The following COL9A3 variants were observed in gnomAD, a reference collection of about 807,000 sequenced individuals.
COL9A3 encodes the protein collagen alpha-3(IX) chain.
COL9A3 carries 82 observed loss-of-function variants against 110.2 expected under a neutral mutation model. The observed-to-expected ratio is 0.74, with a 90% CI of 0.62 to 0.89. The LOEUF is 0.89. Among genes scored for constraint, COL9A3 ranks in the 40% least tolerant of loss-of-function variants. The pLI is 0.00. For synonymous variants in COL9A3, 494 were observed against 403.8 expected, an observed-to-expected ratio of 1.22 and a Z score of -2.68; for missense variants, 1,066 against 981.3, an observed-to-expected ratio of 1.09 and a Z score of -1.15.
chr20:62,828,496 A>G (rs1687289387), intron 17 of COL9A3, among the ~76,000 whole-genome samples: 1 of 152,222 alleles, frequency 6.6e-6, no homozygotes, highest in South Asian at 2.1e-4. Flanking sequence ...TCCTTAGGGC[A>G]CCATGATGTG....
rs925855683 is a variant in COL9A3 at position 62,828,070 on chromosome 20, C to T, written c.900+94C>T. 2.1e-5 allele frequency: 27 copies of T among 1,304,014 alleles called. No homozygotes were observed. The African/African-American group carries it at 3.5e-4, about 17-fold the overall frequency. 80.8% of individuals were successfully genotyped at this position (1,304,014 alleles called of 1,614,324 possible). A position where few individuals can be genotyped will look rare whatever the true frequency, so the allele number is the denominator to read the frequency against. On this transcript the variant is annotated intron_variant, in intron 17 of 31. Transcript: ENST00000649368. ...ATTCAGAAGGGCTGGAGCTCAGTGC[C>T]CTCTGCTGTGGCCATCTTGAAATCT...
chr20:62,840,740 C>T lies in COL9A3; in HGVS notation c.*8C>T, dbSNP rs201654774. 121 of 1,558,800 alleles carry T rather than the reference C, an allele frequency of 7.8e-5. No homozygotes were observed. Among genetic ancestry groups the T allele is most frequent in the Non-Finnish European group, 9.3e-5 (107 of 1,150,622 alleles). ...GGCTCTCGAAGCTCATAAAATTCAACGTGAGGAAGCAAGTGACAAGGACGC... is the reference window on the plus strand; with the variant it reads ...GGCTCTCGAAGCTCATAAAATTCAATGTGAGGAAGCAAGTGACAAGGACGC... On this transcript the variant is annotated 3_prime_UTR_variant, in exon 32 of 32. Transcript: ENST00000649368.
chr20:62,821,701 G>T, intron 7 of COL9A3, 56 bp from the exon 8 acceptor site: 1 of 1,561,858 alleles, frequency 6.4e-7, no homozygotes, highest in East Asian at 2.3e-5. Context: ...ACCCTGGGTG[G>T]GGATCCTCGG....
chr20:62,820,172 C>A (rs1991073372), intron 5 of COL9A3, among the ~76,000 whole-genome samples, 190 bp downstream of exon 5: 1 of 152,174 alleles, frequency 6.6e-6, no homozygotes, highest in African/African-American at 2.4e-5. Context: ...CTCCCTGCCT[C>A]ACCTCCACGT....
At position 62,838,632 on chromosome 20, in the gene COL9A3, G is replaced by A. The variant is rs1459755982; in HGVS notation, c.1787-52G>A. 4.1e-6 allele frequency: 6 copies of A among 1,479,120 alleles called. No individual in the cohort carries two copies. In the East Asian group the frequency reaches 1.2e-4, roughly 30 times the overall value. The allele number at this position is 1,479,120 out of a possible 1,614,324, so 91.6% of individuals were successfully genotyped here. ...AAGGTTGATCAGACACCGCTGTGGT[G>A]TGGCTGCAACAGATACTCTAACCAT... is the stretch of plus-strand genomic sequence containing the variant. On this transcript the variant is annotated intron_variant, in intron 30 of 31. Coordinates refer to ENST00000649368, the MANE Select transcript of COL9A3 (RefSeq NM_001853.4).
At chr20:62,832,886 TGG>T in intron 25 of COL9A3, 132 bp from the exon 26 acceptor site, 1 of 854,076 alleles carries the variant, frequency 1.2e-6, no homozygotes, top group Non-Finnish European at 2.0e-6. Context: ...AAGGCAGCCC[TGG>T]GGCCTGGGCT....
rs201781331 is a variant in COL9A3 at position 62,822,100 on chromosome 20, C to G, written c.424-11C>G. 3.9e-6 allele frequency: 6 copies of G among 1,521,434 alleles called. No homozygotes were observed. Among genetic ancestry groups the G allele is most frequent in the Admixed American group, 1.7e-5 (1 of 59,860 alleles). 94.2% of individuals were successfully genotyped at this position (1,521,434 alleles called of 1,614,324 possible). A position where few individuals can be genotyped will look rare whatever the true frequency, so the allele number is the denominator to read the frequency against. ...TGGTCCCACTCTGTCTAAGTCATAC[C>G]CCCTCCCCAGGGACCTTCTGGACTC... On this transcript the variant is annotated splice_polypyrimidine_tract_variant and intron_variant, in intron 8 of 31. Coordinates refer to ENST00000649368, the MANE Select transcript of COL9A3 (RefSeq NM_001853.4).
At chr20:62,836,745 C>T in intron 29 of COL9A3, 1 of 633,946 alleles carries the variant, frequency 1.6e-6, no homozygotes, top group Non-Finnish European at 2.7e-6. Context: ...GCCCCGGATT[C>T]AACCAGATTC....
At chr20:62,833,138 G>T in intron 26 of COL9A3, 74 bp downstream of exon 26, 1 of 1,254,548 alleles carries the variant, frequency 8.0e-7, no homozygotes, top group South Asian at 1.2e-5. Context: ...GAACAGTCCT[G>T]GGGACAGGGT....
Position 62,828,920 on chromosome 20 carries a change from C to T in COL9A3, c.955-3C>T. 1 of 1,612,400 alleles carries T rather than the reference C, an allele frequency of 6.2e-7. No individual in the cohort carries two copies. Among genetic ancestry groups the T allele is most frequent in the South Asian group, 1.1e-5 (1 of 91,064 alleles). ...TTCCGCACCCCAATCTCTGTCCTCACAGGGAGAGGCTGGTCGCAACGGTGC... is the reference window on the plus strand; with the variant it reads ...TTCCGCACCCCAATCTCTGTCCTCATAGGGAGAGGCTGGTCGCAACGGTGC... On this transcript the variant is annotated splice_region_variant and splice_polypyrimidine_tract_variant and intron_variant, in intron 18 of 31. Transcript: ENST00000649368.
At chr20:62,818,695 G>T in intron 3 of COL9A3, 142 bp downstream of exon 3, 2 of 841,640 alleles carry the variant, frequency 2.4e-6, no homozygotes, top group Non-Finnish European at 4.0e-6. Flanking sequence ...GCTTGGAGCA[G>T]GCCTGGAGCC....
Position 62,826,205 on chromosome 20 carries a change from G to GC in COL9A3, c.691dup (p.Arg231ProfsTer36). ...TGCATCTGTGCCTCTCTCTCGCAGG[G>GC]CCCCCGGGGATTACGAGGACTGCCA... On this transcript the variant is annotated frameshift_variant and splice_region_variant, in exon 14 of 32. Coordinates refer to ENST00000649368, the MANE Select transcript of COL9A3 (RefSeq NM_001853.4). LOFTEE classifies it high-confidence loss of function. 1 of 1,560,480 alleles carries GC rather than the reference G, an allele frequency of 6.4e-7. No individual in the cohort carries two copies. The highest frequency in any genetic ancestry group is 8.7e-7 in the Non-Finnish European group (1 of 1,152,958).
Position 62,829,644 on chromosome 20 carries a change from T to C in COL9A3, c.1070T>C (p.Leu357Pro), listed in dbSNP as rs2063580338. The C allele has an allele frequency of 1.2e-6, 2 of 1,609,918 alleles. No individual in the cohort carries two copies. The highest frequency in any genetic ancestry group is 1.7e-6 in the Non-Finnish European group (2 of 1,178,918). Reference sequence around the variant, plus strand: ...CCTCTACAGGGCAGAGCTGGGGAGCTGGGTGAGGCCGGCCCCTCTGGAGAG... The same window carrying C: ...CCTCTACAGGGCAGAGCTGGGGAGCCGGGTGAGGCCGGCCCCTCTGGAGAG... ...EKGERGRAGE[L>P]GEAGPSGEPG... Residue 357 changes from leucine (L) to proline (P), a missense_variant, in exon 21 of 32, where the codon CTG (leucine) becomes CCG (proline). Physicochemically the swap from Leu to Pro is moderately conservative, Grantham distance 98 (BLOSUM62 -3). Transcript: ENST00000649368.
At chr20:62,821,019 C>T (rs1468857791) in intron 5 of COL9A3, among the ~76,000 whole-genome samples, 162 bp from the exon 6 acceptor site, 4 of 152,182 alleles carry the variant, frequency 2.6e-5, no homozygotes, top group South Asian at 2.1e-4. Context: ...CGGCAAAGAC[C>T]CTCCAGGTCA....
At position 62,830,555 on chromosome 20, in the gene COL9A3, C is replaced by T. The variant is rs771125266; in HGVS notation, c.1254C>T (p.Gly418=). 2.5e-6 allele frequency: 4 copies of T among 1,607,058 alleles called. No individual in the cohort carries two copies. Among genetic ancestry groups the T allele is most frequent in the Admixed American group, 3.4e-5 (2 of 59,322 alleles). The change falls in exon 24 of 32, where the codon GGC becomes GGT. Residue 418 remains glycine (G), a synonymous_variant. Transcript: ENST00000649368. ...GCATGGGAGACCCCGGCCTTCCAGG[C>T]CCCCAGGGCCTCCGAGGTGACGTGG... ...KGSMGDPGLP[G]PQGLRGDVGD...
At chr20:62,828,345 G>A (rs915098945) in intron 17 of COL9A3, among the ~76,000 whole-genome samples, 1 of 152,200 alleles carries the variant, frequency 6.6e-6, no homozygotes, top group Non-Finnish European at 1.5e-5. Context: ...CCCTCGTGTT[G>A]CCTCTGCCCC....
chr20:62,829,588 C>T, intron 20 of COL9A3, 40 bp from the exon 21 acceptor site: 1 of 1,610,122 alleles, frequency 6.2e-7, no homozygotes, highest in Admixed American at 1.7e-5. Context: ...GGCCCCAGTG[C>T]AGGTGTAGGC....
At chr20:62,829,089 T>G in intron 19 of COL9A3, 113 bp downstream of exon 19, 1 of 1,195,344 alleles carries the variant, frequency 8.4e-7, no homozygotes, top group East Asian at 2.6e-5. Context: ...TGTGAGGGGT[T>G]CTGGGGCCTG....
At chr20:62,838,436 A>C (rs2063651702) in intron 30 of COL9A3, among the ~76,000 whole-genome samples, 1 of 152,220 alleles carries the variant, frequency 6.6e-6, no homozygotes, top group African/African-American at 2.4e-5. Flanking sequence ...GATAATCTTA[A>C]GGGACCACTG....
Sources: gnomAD v4.1 joint callset for allele counts (sites outside exome capture counted in the v4.1 genomes callset) on GRCh38, gnomAD v4.1.1 for gene constraint, MANE v1.5 for transcripts, NCBI Gene and HGNC (gene_info 2026-07-23, HGNC 2026-07-21) for gene names.